SRSF4: variants seen among roughly 807,000 people sequenced by gnomAD.
The protein encoded by SRSF4 is serine and arginine rich splicing factor 4.
Under a neutral mutation model 48.8 loss-of-function variants are expected in SRSF4, and 12 were observed. The observed-to-expected ratio is 0.25, with a 90% CI of 0.16 to 0.40. The LOEUF (loss-of-function observed/expected upper bound fraction) is 0.40, where lower values mean the gene tolerates loss of function less well. Among genes scored for constraint, SRSF4 ranks in the 10% least tolerant of loss-of-function variants. The pLI is 1.00. For missense variants in SRSF4, 466 were observed against 667.1 expected (o/e 0.70, Z 3.32); for synonymous variants, 248 against 232.5 (o/e 1.07, Z -0.61).
In SRSF4 at chr1:29,148,242, C is replaced by T; in HGVS notation, c.*168G>A. 1 of 995,522 alleles carries T rather than the reference C, an allele frequency of 1.0e-6. No homozygotes were observed. Among genetic ancestry groups the T allele is most frequent in the East Asian group, 2.6e-5 (1 of 38,650 alleles). 61.7% of individuals were successfully genotyped at this position (995,522 alleles called of 1,614,324 possible). On this transcript the variant is annotated 3_prime_UTR_variant, in exon 6 of 6. Transcript: ENST00000373795. ...TTCAGTCGAGCAGGAAGGCCTGGTG[C>T]CAGGAGGCTTTACTGAGAGGAAGCA...
At chr1:29,156,508 T>C (rs983671617) in intron 3 of SRSF4, among the ~76,000 whole-genome samples, 1 of 152,122 alleles carries the variant, frequency 6.6e-6, no homozygotes, top group Non-Finnish European at 1.5e-5. Context: ...TAACCTTGAG[T>C]AGAAATTAGT....
At chr1:29,153,249 T>G (rs1250121225) in intron 4 of SRSF4, among the ~76,000 whole-genome samples, 1 of 152,114 alleles carries the variant, frequency 6.6e-6, no homozygotes, top group Non-Finnish European at 1.5e-5. Flanking sequence ...GCGATTCTCC[T>G]GCCTCAGCCT....
In SRSF4 at chr1:29,181,803, C is replaced by T. The variant is rs957589149; in HGVS notation, c.-51G>A. On this transcript the variant is annotated 5_prime_UTR_variant, in exon 1 of 6. Transcript: ENST00000373795. ...CCCGGCCCCAGCCCCCCTTAGGCGG[C>T]GGCGGGCAAAGCGAGAGCACGGCGG... 12 of 1,479,730 alleles carry T rather than the reference C, an allele frequency of 8.1e-6. No individual in the cohort carries two copies. Among genetic ancestry groups the T allele is most frequent in the African/African-American group, 1.4e-5 (1 of 69,270 alleles). The allele number at this position is 1,479,730 out of a possible 1,614,324, so 91.7% of individuals were successfully genotyped here.
intron 4 of SRSF4, among the ~76,000 whole-genome samples, chr1:29,153,999 C>T (rs972402158): frequency 1.3e-5 from 2 of 151,886 alleles, no homozygotes; most frequent in African/African-American, 4.8e-5. Context: ...TGGGTTCAAG[C>T]GATTCCCATG....
At chr1:29,157,984 T>C (rs1312790994) in intron 3 of SRSF4, among the ~76,000 whole-genome samples, 1 of 152,004 alleles carries the variant, frequency 6.6e-6, no homozygotes, top group Non-Finnish European at 1.5e-5. Context: ...ACCAGCCTGG[T>C]CAACATGGTG....
intron 1 of SRSF4, among the ~76,000 whole-genome samples, chr1:29,162,498 C>T (rs1672614786): frequency 1.3e-5 from 2 of 152,144 alleles, no homozygotes; most frequent in East Asian, 3.8e-4. Flanking sequence ...TGGTTTATCT[C>T]TAGATGGATT....
intron 1 of SRSF4, among the ~76,000 whole-genome samples, chr1:29,175,595 T>C (rs952728987): frequency 2.8e-5 from 4 of 140,510 alleles, no homozygotes; most frequent in African/African-American, 1.1e-4. Flanking sequence ...CTTGAGAGGC[T>C]GAGGCAGGAG....
intron 1 of SRSF4, among the ~76,000 whole-genome samples, chr1:29,177,571 C>T (rs1216273600): frequency 1.3e-5 from 2 of 152,098 alleles, no homozygotes; most frequent in East Asian, 1.9e-4. Flanking sequence ...TGTGAGCCAC[C>T]GTGCCAGGCC....
intron 1 of SRSF4, chr1:29,172,156 AT>A (rs1414977280): frequency 6.6e-6 from 1 of 152,216 alleles, no homozygotes; most frequent in Non-Finnish European, 1.5e-5. Flanking sequence ...ATAAAAAAAA[AT>A]TTGATCACAT....
chr1:29,177,901 T>C (rs1672894136), intron 1 of SRSF4, among the ~76,000 whole-genome samples: 1 of 146,054 alleles, frequency 6.8e-6, no homozygotes, highest in Admixed American at 6.8e-5. Flanking sequence ...AGATTTTTTT[T>C]TTTTTTTTTT....
rs557446424 is a variant in SRSF4, at chr1:29,157,749, A to T, written c.363+1625T>A. On this transcript the variant is annotated intron_variant, in intron 3 of 5. Coordinates refer to ENST00000373795, the MANE Select transcript of SRSF4 (RefSeq NM_005626.5). ...TCATTTGGCTAGAGATGACTTGTTT[A>T]AATATGGCCAAAAAAAGCGAGAAGG... is the stretch of plus-strand genomic sequence containing the variant. 1.4e-4 allele frequency among the ~76,000 whole-genome samples: 22 copies of T among 152,354 alleles called. 1 individual carries two copies. Among genetic ancestry groups the T allele is most frequent in the African/African-American group, 3.6e-4 (15 of 41,592 alleles).
At chr1:29,178,577 C>T (rs571143362) in intron 1 of SRSF4, among the ~76,000 whole-genome samples, 4 of 151,878 alleles carry the variant, frequency 2.6e-5, no homozygotes, top group African/African-American at 7.2e-5. Context: ...AGGATGGTCT[C>T]GATCTCCTGA....
At chr1:29,176,251 C>CA (rs1352906444) in intron 1 of SRSF4, among the ~76,000 whole-genome samples, 29 of 150,698 alleles carry the variant, frequency 1.9e-4, no homozygotes, top group South Asian at 6.3e-4. Context: ...GACTCCATCT[C>CA]AAAAAAAACA....
At chr1:29,150,870 C>T (rs928970032) in intron 4 of SRSF4, among the ~76,000 whole-genome samples, 3 of 152,212 alleles carry the variant, frequency 2.0e-5, no homozygotes, top group African/African-American at 7.2e-5. Context: ...CTTTCTACCT[C>T]TGCTGCTGCC....
intron 1 of SRSF4, among the ~76,000 whole-genome samples, chr1:29,160,745 C>A (rs1672582751): frequency 6.6e-6 from 1 of 152,192 alleles, no homozygotes; most frequent in South Asian, 2.1e-4. Context: ...TAGGAGGAGG[C>A]TGGCTACATA....
intron 3 of SRSF4, 36 bp from the exon 4 acceptor site, chr1:29,154,946 T>C (rs1166543395): frequency 4.4e-6 from 7 of 1,574,136 alleles, no homozygotes; most frequent in African/African-American, 1.4e-5. Context: ...CATTAGGATA[T>C]GTTTTGCTAA....
At position 29,149,184 on chromosome 1, in the gene SRSF4, C is replaced by G. The variant is rs762114989; in HGVS notation, c.711G>C (p.Gln237His). 6.8e-6 allele frequency: 11 copies of G among 1,610,696 alleles called. No homozygotes were observed. The highest frequency in any genetic ancestry group is 9.3e-6 in the Non-Finnish European group (11 of 1,179,942). ...RSRSKSRSRS[Q>H]SRSRSKKEKS... ...TCTCTTTCTTGCTCCGGCTCCGACT[C>G]TGGCTCCGGCTCCGGCTCTTGCTCC... Residue 237 changes from glutamine (Q) to histidine (H), a missense_variant, in exon 6 of 6, where the codon CAG (glutamine) becomes CAC (histidine). Coordinates refer to ENST00000373795, the MANE Select transcript of SRSF4 (RefSeq NM_005626.5).
At chr1:29,177,509 T>G (rs916110240) in intron 1 of SRSF4, among the ~76,000 whole-genome samples, 2 of 152,194 alleles carry the variant, frequency 1.3e-5, no homozygotes, top group African/African-American at 4.8e-5. Context: ...CTTGAACTTA[T>G]GACCTTGGGT....
At chr1:29,165,295 T>C (rs1430399970) in intron 1 of SRSF4, among the ~76,000 whole-genome samples, 1 of 152,230 alleles carries the variant, frequency 6.6e-6, no homozygotes, top group Non-Finnish European at 1.5e-5. Flanking sequence ...CTTATCCCAT[T>C]GCCAATGCGC....
Sources: allele counts gnomAD v4.1 joint callset (sites outside exome capture counted in the v4.1 genomes callset), GRCh38; gene constraint gnomAD v4.1.1; transcripts MANE v1.5; gene names NCBI Gene and HGNC (gene_info 2026-07-23, HGNC 2026-07-21).